Variants in B3GLCT observed in about 807,000 individuals in gnomAD.
B3GLCT encodes beta-1,3-glucosyltransferase.
B3GLCT carries 65 observed loss-of-function variants against 63.4 expected under a neutral mutation model. The observed-to-expected ratio is 1.03, with a 90% CI of 0.84 to 1.26. The LOEUF (loss-of-function observed/expected upper bound fraction) is 1.26, where lower values mean the gene tolerates loss of function less well. B3GLCT is among the 50% of genes most tolerant of loss of function. B3GLCT has a pLI of 0.00. For synonymous variants in B3GLCT, 233 were observed against 219.2 expected (o/e 1.06, Z -0.55); for missense variants, 577 against 604.8 (o/e 0.95, Z 0.48).
intron 12 of B3GLCT, among the ~76,000 whole-genome samples, chr13:31,316,954 A>T (rs1267195116): frequency 6.6e-6 from 1 of 152,294 alleles, no homozygotes; most frequent in Non-Finnish European, 1.5e-5. Context: ...AAGGTATTCA[A>T]AAGTATAAGC....
chr13:31,324,012 C>T (rs1875478096), intron 14 of B3GLCT, 117 bp downstream of exon 14: 8 of 1,283,402 alleles, frequency 6.2e-6, no homozygotes, highest in Non-Finnish European at 7.9e-6. Context: ...ACTGTGTTGA[C>T]AGGCTCCAGG....
At chr13:31,228,540 CCT>C (rs1870214668) in intron 3 of B3GLCT, among the ~76,000 whole-genome samples, 1 of 152,120 alleles carries the variant, frequency 6.6e-6, no homozygotes, top group Non-Finnish European at 1.5e-5. Flanking sequence ...CTGTTCCAGG[CCT>C]CTGTCTTTGG....
intron 13 of B3GLCT, among the ~76,000 whole-genome samples, chr13:31,320,092 G>A (rs1875261228): frequency 6.6e-6 from 1 of 151,990 alleles, no homozygotes; most frequent in South Asian, 2.1e-4. Context: ...CCTACTTTTT[G>A]GTCTTAAACT....
rs541333064 is a variant in B3GLCT at position 31,263,801 on chromosome 13, A to G, written c.596+2719A>G. On this transcript the variant is annotated intron_variant, in intron 7 of 14. Transcript: ENST00000343307. The stretch of plus-strand genomic sequence containing the variant: ...GGAAGGTAGCCAGTGCCCAGCTTCC[A>G]TAGCGGTTTCACATCTCCCTTTCTA... Among the ~76,000 whole-genome samples, 84 of 152,284 alleles carry G rather than the reference A, an allele frequency of 5.5e-4. No individual in the cohort carries two copies. In the South Asian group the frequency reaches 0.017, roughly 31 times the overall value.
intron 2 of B3GLCT, among the ~76,000 whole-genome samples, chr13:31,219,124 C>G (rs531463926): frequency 9.4e-4 from 143 of 152,044 alleles, no homozygotes; most frequent in Non-Finnish European, 1.5e-3. Context: ...GATACCAAAA[C>G]CTGGCAGAGA....
intron 8 of B3GLCT, among the ~76,000 whole-genome samples, chr13:31,270,266 G>C (rs1057423254): frequency 1.3e-5 from 2 of 152,172 alleles, no homozygotes; most frequent in Admixed American, 1.3e-4. Flanking sequence ...GGTAAATCTT[G>C]ACATGTAATT....
chr13:31,289,978 T>C (rs1443196415), intron 12 of B3GLCT, among the ~76,000 whole-genome samples: 2 of 152,088 alleles, frequency 1.3e-5, no homozygotes, highest in Non-Finnish European at 2.9e-5. Context: ...CAACCCATCA[T>C]CTACATTAGG....
chr13:31,262,643 C>A (rs562506496), intron 7 of B3GLCT, among the ~76,000 whole-genome samples: 5 of 152,302 alleles, frequency 3.3e-5, no homozygotes, highest in South Asian at 2.1e-4. Flanking sequence ...CCAGGACATT[C>A]ATTTCCTGCA....
intron 12 of B3GLCT, among the ~76,000 whole-genome samples, chr13:31,299,078 AT>A (rs756802426): frequency 4.6e-5 from 7 of 152,186 alleles, no homozygotes; most frequent in African/African-American, 1.2e-4. Context: ...CCTTGGCAAG[AT>A]TTGCATAGTC....
intron 6 of B3GLCT, among the ~76,000 whole-genome samples, chr13:31,256,404 C>T (rs1472092591): frequency 6.6e-6 from 1 of 152,134 alleles, no homozygotes. Context: ...CGATTTGACC[C>T]AGCAATCCCA....
At chr13:31,314,903 G>C (rs9544436) in intron 12 of B3GLCT, among the ~76,000 whole-genome samples, 1 of 152,038 alleles carries the variant, frequency 6.6e-6, no homozygotes, top group Non-Finnish European at 1.5e-5. Context: ...GGTCTTTCCC[G>C]TGCTGTTCTC....
At chr13:31,274,360 G>A (rs1872689168) in intron 8 of B3GLCT, 149 bp from the exon 9 acceptor site, 2 of 944,066 alleles carry the variant, frequency 2.1e-6, no homozygotes, top group South Asian at 1.4e-5. Flanking sequence ...TTTAAGTTTA[G>A]GAAGTCCTGT....
chr13:31,215,851 G>A (rs1436624983), intron 2 of B3GLCT, among the ~76,000 whole-genome samples: 1 of 152,174 alleles, frequency 6.6e-6, no homozygotes, highest in Non-Finnish European at 1.5e-5. Context: ...CTGGGGCCTG[G>A]GCGGGAGACC....
Position 31,285,685 on chromosome 13 carries a change from A to G in B3GLCT, c.964+924A>G, listed in dbSNP as rs555827391. ...ATTTATCTTATTTTATGTTAGTGTC[A>G]CTCATAATTCTTTCATTAATATAGT... is the stretch of plus-strand genomic sequence containing the variant. On this transcript the variant is annotated intron_variant, in intron 11 of 14. Coordinates refer to ENST00000343307, the MANE Select transcript of B3GLCT (RefSeq NM_194318.4). Among the ~76,000 whole-genome samples the G allele has an allele frequency of 4.0e-5, 6 of 151,124 alleles. No homozygotes were observed. In the East Asian group the frequency reaches 7.8e-4, roughly 20 times the overall value.
rs908070948 is a variant in B3GLCT, at chr13:31,313,799, G to A, written c.1065-3767G>A. Among the ~76,000 whole-genome samples the A allele has an allele frequency of 2.6e-5, 4 of 152,262 alleles. No individual in the cohort carries two copies. The South Asian group carries it at 6.2e-4, about 24-fold the overall frequency. On this transcript the variant is annotated intron_variant, in intron 12 of 14. Transcript: ENST00000343307. Reference sequence around the variant, plus strand: ...TCTCCAGGTCATGTCAGAGACCTTCGCAGCAGCTCCTTCCCCTGCTCCCCT... The same window carrying A: ...TCTCCAGGTCATGTCAGAGACCTTCACAGCAGCTCCTTCCCCTGCTCCCCT...
intron 2 of B3GLCT, among the ~76,000 whole-genome samples, chr13:31,222,328 G>A (rs1287001890): frequency 2.0e-5 from 3 of 151,830 alleles, no homozygotes; most frequent in African/African-American, 4.8e-5. Context: ...CACCTGCCTC[G>A]ACCTCCCAAA....
intron 7 of B3GLCT, among the ~76,000 whole-genome samples, chr13:31,262,956 C>T (rs989958792): frequency 2.0e-5 from 3 of 152,190 alleles, no homozygotes; most frequent in Admixed American, 6.5e-5. Context: ...TCCCATTTCC[C>T]ATGTGCTATG....
intron 4 of B3GLCT, among the ~76,000 whole-genome samples, chr13:31,232,651 A>G (rs1338499298): frequency 6.6e-6 from 1 of 152,184 alleles, no homozygotes; most frequent in Non-Finnish European, 1.5e-5. Context: ...GTGGCTTTGT[A>G]TATTGTAGAT....
intron 7 of B3GLCT, among the ~76,000 whole-genome samples, chr13:31,264,681 A>G (rs1452702322): frequency 6.6e-6 from 1 of 152,210 alleles, no homozygotes; most frequent in Non-Finnish European, 1.5e-5. Context: ...ATTCTTCAAG[A>G]AACTGGTATT....
Sources: allele counts gnomAD v4.1 joint callset (sites outside exome capture counted in the v4.1 genomes callset), GRCh38; gene constraint gnomAD v4.1.1; transcripts MANE v1.5; gene names NCBI Gene and HGNC (gene_info 2026-07-23, HGNC 2026-07-21).